IGSF11: variants seen among roughly 807,000 people sequenced by gnomAD.
The protein encoded by IGSF11 is immunoglobulin superfamily member 11, also known as CXADR like 1.
IGSF11 carries 22 observed loss-of-function variants against 41.0 expected under a neutral mutation model. The observed-to-expected ratio is 0.54, with a 90% confidence interval of 0.38 to 0.77. The LOEUF (loss-of-function observed/expected upper bound fraction) is 0.77. Ranked by LOEUF, IGSF11 falls within the 30% of genes least tolerant of loss-of-function variation. IGSF11 has a pLI of 0.00. For missense variants in IGSF11, 444 were observed against 530.8 expected (o/e 0.84, Z 1.61); for synonymous variants, 219 against 201.3 (o/e 1.09, Z -0.74).
At chr3:118,971,838 G>A (rs890480622) in intron 1 of IGSF11, among the ~76,000 whole-genome samples, 1 of 151,324 alleles carries the variant, frequency 6.6e-6, no homozygotes, top group Admixed American at 6.6e-5. Flanking sequence ...TACAGTTGCT[G>A]GATAGAAGAA....
chr3:119,139,027 T>C (rs982762865), intron 1 of IGSF11, among the ~76,000 whole-genome samples: 1 of 152,192 alleles, frequency 6.6e-6, no homozygotes, highest in African/African-American at 2.4e-5. Context: ...GTAATTGGAT[T>C]GTTTAAGACA....
chr3:118,906,515 C>T (rs1289201809), intron 4 of IGSF11, among the ~76,000 whole-genome samples: 1 of 152,202 alleles, frequency 6.6e-6, no homozygotes, highest in Non-Finnish European at 1.5e-5. Context: ...AATTCCTCAT[C>T]ACTGGCTGGG....
rs1007982738 is a variant in IGSF11 at position 119,046,836 on chromosome 3, A to G, written c.49+58308T>C. The stretch of plus-strand genomic sequence containing the variant: ...TACAAGCCAGAAGAGAGTGGGGGCC[A>G]ATATTCAACATTCTTAAAGAAAAGA... On this transcript the variant is annotated intron_variant, in intron 1 of 6. Transcript: ENST00000354673. Among the ~76,000 whole-genome samples, 813 of 149,804 alleles carry G rather than the reference A, an allele frequency of 5.4e-3. 5 individuals carry two copies. The highest frequency in any genetic ancestry group is 9.1e-3 in the Non-Finnish European group (607 of 66,712).
At chr3:119,099,694 G>A (rs954537986) in intron 1 of IGSF11, among the ~76,000 whole-genome samples, 1 of 152,236 alleles carries the variant, frequency 6.6e-6, no homozygotes, top group Admixed American at 6.5e-5. Flanking sequence ...GGGCTGGTTA[G>A]AAATCATGGA....
chr3:119,058,770 T>G (rs1470603951), intron 1 of IGSF11, among the ~76,000 whole-genome samples: 1 of 152,138 alleles, frequency 6.6e-6, no homozygotes, highest in African/African-American at 2.4e-5. Context: ...GTGGCACATA[T>G]ACACCATGGA....
chr3:119,109,794 T>C (rs557078935), upstream of IGSF11, among the ~76,000 whole-genome samples: 149 of 152,376 alleles, frequency 9.8e-4, no homozygotes, highest in African/African-American at 3.2e-3. Flanking sequence ...GTTGTGTCTT[T>C]GTTCTCGTTG....
chr3:119,045,478 T>G (rs1941300236), intron 1 of IGSF11, among the ~76,000 whole-genome samples: 1 of 152,160 alleles, frequency 6.6e-6, no homozygotes, highest in Non-Finnish European at 1.5e-5. Flanking sequence ...ATCCCGCACA[T>G]GGCTCGGAGG....
chr3:119,077,205 G>A (rs2076514640), intron 1 of IGSF11, among the ~76,000 whole-genome samples: 1 of 151,982 alleles, frequency 6.6e-6, no homozygotes, highest in Non-Finnish European at 1.5e-5. Flanking sequence ...ACTCATAGGT[G>A]GGAATTGAAC....
chr3:118,907,193 T>C (rs1939709706), intron 4 of IGSF11, among the ~76,000 whole-genome samples: 3 of 152,240 alleles, frequency 2.0e-5, no homozygotes, highest in Admixed American at 2.0e-4. Flanking sequence ...TGGTTTCTGC[T>C]GGCAATCATC....
At chr3:119,034,408 G>A (rs1940726903) in intron 1 of IGSF11, 123 bp downstream of exon 1, 2 of 990,534 alleles carry the variant, frequency 2.0e-6, no homozygotes, top group East Asian at 3.3e-5. Context: ...CGCCGCCCCT[G>A]AGAAAGTTGG....
At chr3:119,141,041 T>TTA (rs2077640981) in intron 1 of IGSF11, among the ~76,000 whole-genome samples, 1 of 22,658 alleles carries the variant, frequency 4.4e-5, no homozygotes, top group South Asian at 2.2e-3. Flanking sequence ...CTCTGTCTCA[T>TTA]TAAAAAAAAA....
intron 1 of IGSF11, among the ~76,000 whole-genome samples, chr3:119,027,790 T>C (rs571848379): frequency 2.0e-5 from 3 of 152,338 alleles, no homozygotes; most frequent in African/African-American, 7.2e-5. Flanking sequence ...ATTTTTCACA[T>C]GCCCTGCATA....
At chr3:119,029,670 T>G (rs1940212659) in intron 1 of IGSF11, among the ~76,000 whole-genome samples, 1 of 152,236 alleles carries the variant, frequency 6.6e-6, no homozygotes, top group Non-Finnish European at 1.5e-5. Context: ...GTGTGACTGC[T>G]GTGAACAGTG....
At chr3:118,987,535 C>T (rs1576564061) in intron 1 of IGSF11, among the ~76,000 whole-genome samples, 1 of 152,148 alleles carries the variant, frequency 6.6e-6, no homozygotes, top group Non-Finnish European at 1.5e-5. Context: ...TGGAGGTAAT[C>T]TAGTACCAAT....
At chr3:118,903,714 A>G (rs1200007581) in intron 6 of IGSF11, among the ~76,000 whole-genome samples, 1 of 152,218 alleles carries the variant, frequency 6.6e-6, no homozygotes, top group Non-Finnish European at 1.5e-5. Flanking sequence ...ACACTTTACA[A>G]TATGTTTCAT....
In IGSF11 at chr3:119,030,746, G is replaced by C. The variant is rs149749424; in HGVS notation, c.52+3785C>G. ...AGATTTCAGATCCTCCAGATGGTGTGGGGGCAGTTTTCAAAATGCAGGGAT... is the reference window on the plus strand; with the variant it reads ...AGATTTCAGATCCTCCAGATGGTGTCGGGGCAGTTTTCAAAATGCAGGGAT... On this transcript the variant is annotated intron_variant, in intron 1 of 6. Coordinates refer to ENST00000393775, the MANE Select transcript of IGSF11 (RefSeq NM_001015887.3). 1.6e-4 allele frequency among the ~76,000 whole-genome samples: 24 copies of C among 152,214 alleles called. No individual in the cohort carries two copies. In the East Asian group the frequency reaches 4.4e-3, roughly 28 times the overall value.
chr3:118,935,119 T>A (rs1327151016), intron 1 of IGSF11, among the ~76,000 whole-genome samples: 2 of 151,562 alleles, frequency 1.3e-5, no homozygotes, highest in East Asian at 3.9e-4. Flanking sequence ...TAACAAATCC[T>A]CATTAGTATA....
intron 1 of IGSF11, among the ~76,000 whole-genome samples, chr3:119,014,243 T>C (rs1938440907): frequency 6.6e-6 from 1 of 152,188 alleles, no homozygotes; most frequent in Non-Finnish European, 1.5e-5. Flanking sequence ...TGAAATGAAA[T>C]TTGAGTATTT....
intron 1 of IGSF11, among the ~76,000 whole-genome samples, chr3:119,096,817 T>C (rs989554967): frequency 1.3e-5 from 2 of 152,244 alleles, no homozygotes; most frequent in Non-Finnish European, 2.9e-5. Context: ...TTTCATCTTT[T>C]AGAGCCTTAG....
Sources: allele counts gnomAD v4.1 joint callset (sites outside exome capture counted in the v4.1 genomes callset), GRCh38; gene constraint gnomAD v4.1.1; transcripts MANE v1.5; gene names NCBI Gene and HGNC (gene_info 2026-07-23, HGNC 2026-07-21).